SYT10: variants seen among roughly 807,000 people sequenced by gnomAD.
SYT10 encodes the protein synaptotagmin 10.
SYT10 carries 31 observed loss-of-function variants against 51.1 expected under a neutral mutation model. The ratio of observed to expected loss-of-function variants is 0.61; its 90% CI spans 0.46 to 0.82. The LOEUF (loss-of-function observed/expected upper bound fraction) is 0.82, where lower values mean the gene tolerates loss of function less well. SYT10 is among the 40% of genes least tolerant of loss of function. The probability of loss-of-function intolerance (pLI) is 0.00; values close to 1 mark genes in which losing one functional copy is unlikely to be tolerated. For missense variants in SYT10, 603 were observed against 634.0 expected, an observed-to-expected ratio of 0.95 and a Z score of 0.53; for synonymous variants, 233 against 225.9, an observed-to-expected ratio of 1.03 and a Z score of -0.28.
intron 2 of SYT10, among the ~76,000 whole-genome samples, chr12:33,417,141 C>T (rs942598654): frequency 6.6e-6 from 1 of 152,034 alleles, no homozygotes; most frequent in African/African-American, 2.4e-5. Context: ...TTTGAATGTC[C>T]CCTCTAAAAC....
intron 2 of SYT10, among the ~76,000 whole-genome samples, chr12:33,424,901 T>C (rs1261218796): frequency 6.6e-6 from 1 of 152,032 alleles, no homozygotes; most frequent in Non-Finnish European, 1.5e-5. Flanking sequence ...TCCTTAGTTA[T>C]AAAATTTAAG....
At chr12:33,426,628 T>G (rs1866555922) in intron 1 of SYT10, 133 bp from the exon 2 acceptor site, 1 of 851,182 alleles carries the variant, frequency 1.2e-6, no homozygotes, top group South Asian at 2.1e-5. Context: ...TAAGTTATCT[T>G]TGTAGGAAGA....
At chr12:33,394,443 G>A (rs1399676649) in intron 3 of SYT10, among the ~76,000 whole-genome samples, 4 of 152,116 alleles carry the variant, frequency 2.6e-5, no homozygotes, top group Admixed American at 6.5e-5. Flanking sequence ...AAATATTAGG[G>A]CAAGAACTTT....
At chr12:33,430,897 A>T (rs1487724334) in intron 1 of SYT10, among the ~76,000 whole-genome samples, 2 of 152,152 alleles carry the variant, frequency 1.3e-5, no homozygotes, top group Non-Finnish European at 2.9e-5. Context: ...TTACCATTAT[A>T]ATAATTAGGG....
intron 3 of SYT10, among the ~76,000 whole-genome samples, chr12:33,404,581 T>C (rs1397330765): frequency 6.6e-6 from 1 of 151,914 alleles, no homozygotes; most frequent in Non-Finnish European, 1.5e-5. Flanking sequence ...TTAGTAGAGA[T>C]GGGGTTTCAC....
chr12:33,379,549 CAAAAAAAAAAAAAAAAA>C (rs71068377), intron 6 of SYT10, among the ~76,000 whole-genome samples: 1 of 22,058 alleles, frequency 4.5e-5, no homozygotes, highest in East Asian at 2.7e-3. Flanking sequence ...TCAGGCTATG[CAAAAAAAAAAAAAAAAA>C]AAAAAAAAAA....
In SYT10 at chr12:33,376,843, G is replaced by A. The variant is rs774863954; in HGVS notation, c.1559C>T (p.Pro520Leu). The A allele has an allele frequency of 6.2e-7, 1 of 1,614,074 alleles. No homozygotes were observed. Reference sequence around the variant, plus strand: ...ATTTTGGAGGCATTATGGTGTGGAAGGTGGTTTAGGAGAAGGGCAGGATCC... The same window carrying A: ...ATTTTGGAGGCATTATGGTGTGGAAAGTGGTTTAGGAGAAGGGCAGGATCC... ...SQGSCPSPKPPSTP is the reference protein window; with the variant it reads ...SQGSCPSPKPLSTP The change falls in exon 7 of 7, where the codon CCT becomes CTT. Residue 520 changes from proline (P) to leucine (L), a missense_variant. Transcript: ENST00000228567.
At chr12:33,394,427 A>G (rs1866236563) in intron 3 of SYT10, among the ~76,000 whole-genome samples, 1 of 152,246 alleles carries the variant, frequency 6.6e-6, no homozygotes, top group Non-Finnish European at 1.5e-5. Context: ...TACATTTAAG[A>G]AATCTAAATA....
At chr12:33,430,960 A>G (rs749170233) in intron 1 of SYT10, among the ~76,000 whole-genome samples, 2 of 152,204 alleles carry the variant, frequency 1.3e-5, no homozygotes, top group Non-Finnish European at 2.9e-5. Flanking sequence ...CTGAAACAAG[A>G]TAGTTTATTT....
intron 3 of SYT10, among the ~76,000 whole-genome samples, chr12:33,390,355 A>AT (rs1866193279): frequency 6.6e-6 from 1 of 152,190 alleles, no homozygotes; most frequent in African/African-American, 2.4e-5. Flanking sequence ...ATACGGGATA[A>AT]TAAATGTGCA....
At chr12:33,416,960 T>C (rs565429930) in intron 2 of SYT10, among the ~76,000 whole-genome samples, 2 of 152,294 alleles carry the variant, frequency 1.3e-5, no homozygotes, top group South Asian at 4.1e-4. Context: ...GGCAAGTATA[T>C]GGGATAGATC....
At chr12:33,409,856 A>AAGC (rs58622611) in intron 2 of SYT10, among the ~76,000 whole-genome samples, 92,811 of 151,598 alleles carry the variant, frequency 0.61, 29,574 homozygotes, top group East Asian at 0.89. Context: ...TAGAAAGGAG[A>AAGC]AGTTGAAGAA....
At chr12:33,399,633 G>T (rs1237834101) in intron 3 of SYT10, among the ~76,000 whole-genome samples, 6 of 152,070 alleles carry the variant, frequency 3.9e-5, no homozygotes, top group Non-Finnish European at 8.8e-5. Flanking sequence ...TTATTCATGA[G>T]ACAAAGCTCC....
chr12:33,430,314 T>A (rs1370944609), intron 1 of SYT10, among the ~76,000 whole-genome samples: 1 of 152,234 alleles, frequency 6.6e-6, no homozygotes, highest in Non-Finnish European at 1.5e-5. Flanking sequence ...AAAAGATCAC[T>A]GTCATCAGAA....
At chr12:33,395,598 A>G (rs998089373) in intron 3 of SYT10, among the ~76,000 whole-genome samples, 1 of 152,188 alleles carries the variant, frequency 6.6e-6, no homozygotes, top group African/African-American at 2.4e-5. Context: ...TTCCATCCAA[A>G]AGAGAAAAAT....
At chr12:33,435,488 A>C (rs1866631192) in intron 1 of SYT10, among the ~76,000 whole-genome samples, 1 of 152,226 alleles carries the variant, frequency 6.6e-6, no homozygotes, top group Admixed American at 6.5e-5. Context: ...ATGTGGAGGA[A>C]GGAAAAATAT....
intron 3 of SYT10, chr12:33,405,105 G>A (rs1442181607): frequency 6.6e-6 from 1 of 151,922 alleles, no homozygotes; most frequent in African/African-American, 2.4e-5. Context: ...CTGAATATAT[G>A]TACATAACAT....
intron 2 of SYT10, among the ~76,000 whole-genome samples, chr12:33,414,188 T>C (rs1866433669): frequency 6.6e-6 from 1 of 152,096 alleles, no homozygotes; most frequent in Non-Finnish European, 1.5e-5. Flanking sequence ...ATAAAGTAAG[T>C]CCTTAGAAAC....
At chr12:33,392,985 T>TAAAAAAAAAAAAAAAAAAA (rs71068378) in intron 3 of SYT10, among the ~76,000 whole-genome samples, 5 of 59,088 alleles carry the variant, frequency 8.5e-5, no homozygotes, top group African/African-American at 9.0e-5. Flanking sequence ...TTTTTGCCAT[T>TAAAAAAAAAAAAAAAAAAA]AAAAAAAAAA....
Sources: allele counts gnomAD v4.1 joint callset (sites outside exome capture counted in the v4.1 genomes callset), GRCh38; gene constraint gnomAD v4.1.1; transcripts MANE v1.5; gene names NCBI Gene and HGNC (gene_info 2026-07-23, HGNC 2026-07-21).